The following SPAST variants were observed in gnomAD, a reference collection of about 807,000 sequenced individuals.
The protein encoded by SPAST is spastin, also known as spastic paraplegia 4 (autosomal dominant; spastin).
In SPAST, 30 loss-of-function variants were observed where a neutral mutation model predicts 76.6. The observed-to-expected ratio is 0.39, with a 90% confidence interval of 0.29 to 0.53. The LOEUF is 0.53. Ranked by LOEUF, SPAST falls within the 20% of genes least tolerant of loss-of-function variation. The pLI is 0.68. For synonymous variants in SPAST, 305 were observed against 281.0 expected (o/e 1.09, Z -0.86); for missense variants, 717 against 770.5 (o/e 0.93, Z 0.82).
At chr2:32,067,981 CTTT>C (rs755475755) in intron 1 of SPAST, among the ~76,000 whole-genome samples, 4 of 140,440 alleles carry the variant, frequency 2.8e-5, no homozygotes, top group Admixed American at 7.2e-5. Flanking sequence ...TTTCTCTTTT[CTTT>C]TTTTTTTTTT....
chr2:32,127,398 A>G (rs1573140439), intron 8 of SPAST: 1 of 247,994 alleles, frequency 4.0e-6, no homozygotes, highest in South Asian at 5.2e-5. Flanking sequence ...GATTACAGGC[A>G]TGAGCCACTG....
rs113039523 is a variant in SPAST, at chr2:32,107,184, C to A, written c.683-7454C>A. Among the ~76,000 whole-genome samples the A allele has an allele frequency of 1.2e-3, 179 of 152,132 alleles. 1 individual carries two copies. The highest frequency in any genetic ancestry group is 1.3e-3 in the Non-Finnish European group (86 of 68,012). On this transcript the variant is annotated intron_variant, in intron 4 of 16. Transcript: ENST00000315285. Reference sequence around the variant, plus strand: ...TTTGTCTTATTTCATATCCCTAGTACAAGTTGAATATCCCTAATATGAAAT... The same window carrying A: ...TTTGTCTTATTTCATATCCCTAGTAAAAGTTGAATATCCCTAATATGAAAT...
At chr2:32,067,835 TAAA>T (rs1197979814) in intron 1 of SPAST, among the ~76,000 whole-genome samples, 1 of 146,252 alleles carries the variant, frequency 6.8e-6, no homozygotes, top group African/African-American at 2.5e-5. Flanking sequence ...TTTTGAACAA[TAAA>T]AAAAAAATAA....
chr2:32,108,120 G>A (rs777901801), intron 4 of SPAST, among the ~76,000 whole-genome samples: 48 of 152,054 alleles, frequency 3.2e-4, no homozygotes, highest in Admixed American at 6.6e-4. Flanking sequence ...CTTCAAAGCA[G>A]CTATTATAAT....
chr2:32,137,027 A>G, intron 11 of SPAST, 59 bp downstream of exon 11: 2 of 1,533,870 alleles, frequency 1.3e-6, no homozygotes, highest in South Asian at 2.3e-5. Flanking sequence ...TTCCTATTAA[A>G]TGGCCAAGGT....
At chr2:32,096,396 C>G (rs1467753671) in intron 3 of SPAST, among the ~76,000 whole-genome samples, 1 of 152,214 alleles carries the variant, frequency 6.6e-6, no homozygotes, top group Non-Finnish European at 1.5e-5. Context: ...GGTCGCACCA[C>G]TGCGCTCCAG....
intron 4 of SPAST, among the ~76,000 whole-genome samples, chr2:32,113,966 A>T (rs188459115): frequency 1.5e-4 from 22 of 146,324 alleles, no homozygotes; most frequent in Admixed American, 1.5e-3. Flanking sequence ...TTTATTTGAG[A>T]TGGAATCTCT....
In SPAST at chr2:32,114,957, A is replaced by ATT. The variant is rs11399176; in HGVS notation, c.870+149_870+150dup. ...AATGGATAAGTTTCCATAAAGTTAA[A>ATT]TTTTTTTTTTTTTTTTTTGAGACTC... On this transcript the variant is annotated intron_variant, in intron 5 of 16. Coordinates refer to ENST00000315285, the MANE Select transcript of SPAST (RefSeq NM_014946.4). 0.19 allele frequency: 94,061 copies of ATT among 483,810 alleles called. 495 individuals carry two copies. The highest frequency in any genetic ancestry group is 0.22 in the Middle Eastern group (375 of 1,694). 30.0% of individuals were successfully genotyped at this position (483,810 alleles called of 1,614,324 possible).
At chr2:32,106,356 A>G (rs1678319542) in intron 4 of SPAST, among the ~76,000 whole-genome samples, 1 of 152,096 alleles carries the variant, frequency 6.6e-6, no homozygotes, top group African/African-American at 2.4e-5. Flanking sequence ...CAGGTACCAT[A>G]TGTCACGGCT....
chr2:32,140,947 T>G (rs201574620), intron 12 of SPAST, among the ~76,000 whole-genome samples: 54,534 of 148,982 alleles, frequency 0.37, 10,517 homozygotes, highest in East Asian at 0.63. Flanking sequence ...GTTGTTGTTT[T>G]TTTTTTTTTT....
At chr2:32,139,170 TA>T (rs1679638205) in intron 12 of SPAST, among the ~76,000 whole-genome samples, 3 of 152,176 alleles carry the variant, frequency 2.0e-5, no homozygotes, top group South Asian at 2.1e-4. Flanking sequence ...AATTTTAGAA[TA>T]TTTTTTTCTA....
At chr2:32,094,319 A>G (rs1254719483) in intron 3 of SPAST, among the ~76,000 whole-genome samples, 1 of 152,014 alleles carries the variant, frequency 6.6e-6, no homozygotes, top group Non-Finnish European at 1.5e-5. Context: ...CCCGGGTTCA[A>G]GCGATTATCC....
intron 4 of SPAST, among the ~76,000 whole-genome samples, chr2:32,102,623 T>C (rs1211268154): frequency 6.6e-6 from 1 of 152,146 alleles, no homozygotes; most frequent in Non-Finnish European, 1.5e-5. Context: ...AAATAGCTCT[T>C]ATTATTTTGA....
intron 2 of SPAST, among the ~76,000 whole-genome samples, chr2:32,087,837 A>G (rs1403544539): frequency 1.4e-5 from 2 of 147,702 alleles, no homozygotes; most frequent in African/African-American, 5.0e-5. Flanking sequence ...CTGGGACCAC[A>G]GGCGCACACT....
intron 1 of SPAST, among the ~76,000 whole-genome samples, chr2:32,086,377 G>A (rs1176107865): frequency 6.6e-6 from 1 of 151,902 alleles, no homozygotes; most frequent in African/African-American, 2.4e-5. Flanking sequence ...GAAGAGGATG[G>A]ATCACTTGAG....
Position 32,091,151 on chromosome 2 carries a change from G to C in SPAST, c.586+1546G>C, listed in dbSNP as rs188095351. Reference sequence around the variant, plus strand: ...GGTGGATGGAAATAGTAGATATTTGGTAAGCAGGTAAACCTTATTTATTTG... The same window carrying C: ...GGTGGATGGAAATAGTAGATATTTGCTAAGCAGGTAAACCTTATTTATTTG... On this transcript the variant is annotated intron_variant, in intron 3 of 16. Transcript: ENST00000315285. Among the ~76,000 whole-genome samples the C allele has an allele frequency of 1.6e-4, 24 of 151,836 alleles. No homozygotes were observed. The Middle Eastern group carries it at 0.014, about 86-fold the overall frequency.
intron 7 of SPAST, among the ~76,000 whole-genome samples, chr2:32,117,531 CTTT>C (rs11431890): frequency 2.4e-5 from 3 of 127,560 alleles, no homozygotes. Flanking sequence ...TAGAATAATT[CTTT>C]TTTTTTTTTT....
chr2:32,082,102 C>T (rs956497891), intron 1 of SPAST, among the ~76,000 whole-genome samples: 2 of 147,916 alleles, frequency 1.4e-5, no homozygotes, highest in Admixed American at 6.8e-5. Flanking sequence ...CAGCGATTCT[C>T]CTGCCTCAGC....
At chr2:32,115,205 C>T (rs1478446652) in intron 5 of SPAST, among the ~76,000 whole-genome samples, 3 of 152,096 alleles carry the variant, frequency 2.0e-5, no homozygotes, top group Non-Finnish European at 2.9e-5. Context: ...GCCTCAGCCT[C>T]CCAAAGTACT....
Sources: allele counts gnomAD v4.1 joint callset (sites outside exome capture counted in the v4.1 genomes callset), GRCh38; gene constraint gnomAD v4.1.1; transcripts MANE v1.5; gene names NCBI Gene and HGNC (gene_info 2026-07-23, HGNC 2026-07-21).